Variants in NELL2 observed in about 807,000 individuals in gnomAD.
NELL2 encodes protein kinase C-binding protein NELL2.
Under a neutral mutation model 109.6 loss-of-function variants are expected in NELL2, and 41 were observed. The ratio of observed to expected loss-of-function variants is 0.37; its 90% CI spans 0.29 to 0.49. NELL2 has a LOEUF of 0.49. Ranked by LOEUF, NELL2 falls within the 20% of genes least tolerant of loss-of-function variation. NELL2 has a pLI of 0.98. For synonymous variants in NELL2, 355 were observed against 344.7 expected, an observed-to-expected ratio of 1.03 and a Z score of -0.33; for missense variants, 900 against 1,008.3, an observed-to-expected ratio of 0.89 and a Z score of 1.45.
At chr12:44,918,517 A>ATGTGTGTGTGTGTGTGTGTGTG (rs10589306), upstream of NELL2, among the ~76,000 whole-genome samples, 1 of 123,880 alleles carries the variant, frequency 8.1e-6, no homozygotes, top group African/African-American at 3.3e-5. Context: ...GCATGCATGT[A>ATGTGTGTGTGTGTGTGTGTGTG]TGTGTGTGTG....
chr12:44,677,947 T>C (rs588172), intron 12 of NELL2, among the ~76,000 whole-genome samples: 1 of 152,034 alleles, frequency 6.6e-6, no homozygotes, highest in African/African-American at 2.4e-5. Flanking sequence ...GTGAGATATG[T>C]GGGTCTAGAG....
At chr12:44,774,310 A>C (rs1941664883) in intron 9 of NELL2, among the ~76,000 whole-genome samples, 1 of 152,218 alleles carries the variant, frequency 6.6e-6, no homozygotes, top group Non-Finnish European at 1.5e-5. Flanking sequence ...TCTACACTGG[A>C]CAATCCTATA....
chr12:44,692,193 C>T (rs909866568), intron 12 of NELL2, among the ~76,000 whole-genome samples: 2 of 152,278 alleles, frequency 1.3e-5, no homozygotes, highest in South Asian at 2.1e-4. Flanking sequence ...GAAGCCATTG[C>T]TCATTGACCA....
chr12:44,512,798 G>A (rs187361630), intron 19 of NELL2, among the ~76,000 whole-genome samples: 43 of 152,058 alleles, frequency 2.8e-4, no homozygotes, highest in African/African-American at 1.0e-3. Flanking sequence ...ATGGTGATCA[G>A]AAGCTAGGAG....
At chr12:44,691,039 G>C (rs970592190) in intron 12 of NELL2, among the ~76,000 whole-genome samples, 1 of 152,144 alleles carries the variant, frequency 6.6e-6, no homozygotes, top group Admixed American at 6.5e-5. Context: ...TAAGTTGAGG[G>C]GGGAAAAATC....
chr12:44,576,217 C>G (rs1001066923), intron 15 of NELL2, among the ~76,000 whole-genome samples: 6 of 152,244 alleles, frequency 3.9e-5, no homozygotes, highest in Non-Finnish European at 7.3e-5. Flanking sequence ...TCCCACTCCC[C>G]ACGCACAACG....
chr12:44,623,022 A>C (rs1384519221), intron 13 of NELL2, among the ~76,000 whole-genome samples: 1 of 152,084 alleles, frequency 6.6e-6, no homozygotes, highest in Non-Finnish European at 1.5e-5. Flanking sequence ...AACATTTTAG[A>C]GCTAATATCT....
intron 15 of NELL2, among the ~76,000 whole-genome samples, chr12:44,582,067 C>G (rs1231788097): frequency 6.6e-6 from 1 of 152,066 alleles, no homozygotes; most frequent in Admixed American, 6.6e-5. Context: ...TCATTTAAAT[C>G]TCAAAGAAGG....
intron 13 of NELL2, among the ~76,000 whole-genome samples, chr12:44,628,952 G>A (rs1946359769): frequency 6.6e-6 from 1 of 152,110 alleles, no homozygotes; most frequent in South Asian, 2.1e-4. Flanking sequence ...ATATGCAGGT[G>A]AGGAATAAGA....
chr12:44,877,349 A>G (rs574343255), upstream of NELL2, among the ~76,000 whole-genome samples: 1 of 152,306 alleles, frequency 6.6e-6, no homozygotes, highest in East Asian at 1.9e-4. Context: ...TTCAAGATCA[A>G]TGGTACATAA....
At chr12:44,664,368 C>T (rs922089501) in intron 13 of NELL2, among the ~76,000 whole-genome samples, 9 of 151,974 alleles carry the variant, frequency 5.9e-5, no homozygotes, top group Non-Finnish European at 7.4e-5. Context: ...TTCCATAAAT[C>T]GGGAAGTCAC....
chr12:44,716,769 G>A (rs964634797), intron 9 of NELL2, among the ~76,000 whole-genome samples: 11 of 151,920 alleles, frequency 7.2e-5, no homozygotes, highest in African/African-American at 1.7e-4. Flanking sequence ...AAGTCCAAGC[G>A]TATGTGGAAG....
Position 44,643,949 on chromosome 12 carries a change from A to G in NELL2, c.1444+21535T>C, listed in dbSNP as rs529932419. Among the ~76,000 whole-genome samples the G allele has an allele frequency of 3.9e-5, 6 of 152,320 alleles. No homozygotes were observed. The East Asian group carries it at 9.6e-4, about 24-fold the overall frequency. ...GGCAAGAGTTTCTACTTGGAACAAT[A>G]ACAATGATTTCACCAGGAAAACCTA... On this transcript the variant is annotated intron_variant, in intron 13 of 19. Transcript: ENST00000429094.
intron 11 of NELL2, among the ~76,000 whole-genome samples, chr12:44,704,337 C>T (rs1229264001): frequency 8.3e-6 from 1 of 120,994 alleles, no homozygotes; most frequent in East Asian, 2.1e-4. Flanking sequence ...CAAAACCTTT[C>T]TAAATGTGTT....
intron 15 of NELL2, among the ~76,000 whole-genome samples, chr12:44,576,574 G>C (rs1357230615): frequency 6.7e-6 from 1 of 148,722 alleles, no homozygotes. Flanking sequence ...TATACTTTAA[G>C]TTTTAGGGTA....
intron 3 of NELL2, among the ~76,000 whole-genome samples, chr12:44,804,795 T>C (rs1400343514): frequency 1.3e-5 from 2 of 151,786 alleles, no homozygotes; most frequent in South Asian, 2.1e-4. Flanking sequence ...GTATGGTAGA[T>C]TAAAAAAAGA....
chr12:44,576,636 T>C lies in NELL2; in HGVS notation c.1663+30533A>G, dbSNP rs961216432. Among the ~76,000 whole-genome samples the C allele has an allele frequency of 1.4e-3, 218 of 152,190 alleles. 1 individual carries two copies. Among genetic ancestry groups the C allele is most frequent in the Non-Finnish European group, 7.2e-4 (49 of 68,016 alleles). On this transcript the variant is annotated intron_variant, in intron 15 of 19. Coordinates refer to ENST00000429094, the MANE Select transcript of NELL2 (RefSeq NM_001145108.2). The stretch of plus-strand genomic sequence containing the variant: ...CATATGTATACATGTGCCATGCTGG[T>C]GCGCTGCACCCACTAACTTGTCATC...
intron 2 of NELL2, chr12:44,851,549 CTT>C (rs2136779941): frequency 6.6e-6 from 1 of 152,248 alleles, no homozygotes; most frequent in African/African-American, 2.4e-5. Flanking sequence ...TTGCTTATGA[CTT>C]TGCTGTCATT....
chr12:44,896,661 G>T (rs1945596394), intron 1 of NELL2, among the ~76,000 whole-genome samples: 1 of 152,134 alleles, frequency 6.6e-6, no homozygotes. Context: ...ATGAGCACAA[G>T]AAACAAAAGC....
Sources: gnomAD v4.1 joint callset for allele counts (sites outside exome capture counted in the v4.1 genomes callset) on GRCh38, gnomAD v4.1.1 for gene constraint, MANE v1.5 for transcripts, NCBI Gene and HGNC (gene_info 2026-07-23, HGNC 2026-07-21) for gene names.